Variants in SEC14L5 observed in about 807,000 individuals in gnomAD.
The protein encoded by SEC14L5 is SEC14-like protein 5.
A neutral mutation model predicts 84.6 loss-of-function variants in SEC14L5; 96 were observed. The ratio of observed to expected loss-of-function variants is 1.13; its 90% confidence interval spans 0.96 to 1.34. The LOEUF is 1.34. Ranked by LOEUF, SEC14L5 falls within the 40% of genes most tolerant of loss-of-function variation. SEC14L5 has a pLI of 0.00. For missense variants in SEC14L5, 1,224 were observed against 942.5 expected (o/e 1.30, Z -3.91); for synonymous variants, 546 against 383.4 (o/e 1.42, Z -4.95).
chr16:4,997,816 G>A lies in SEC14L5; in HGVS notation c.970+772G>A, dbSNP rs574348281. ...TTCTGGTGGACCCAGGTGTTCCTTG[G>A]CTGGTGGCAGCTTCACTCCAGTCTC... On this transcript the variant is annotated intron_variant, in intron 8 of 15. Transcript: ENST00000251170. 3.9e-5 allele frequency among the ~76,000 whole-genome samples: 6 copies of A among 152,106 alleles called. 1 individual carries two copies. In the Middle Eastern group the frequency reaches 0.01, roughly 259 times the overall value.
intron 2 of SEC14L5, among the ~76,000 whole-genome samples, chr16:4,984,230 C>T (rs1955462091): frequency 1.3e-5 from 2 of 152,188 alleles, no homozygotes. Context: ...CACTAATCTA[C>T]TTTCTGTCTC....
At chr16:4,996,318 T>A in intron 6 of SEC14L5, 30 bp from the exon 7 acceptor site, 2 of 1,318,292 alleles carry the variant, frequency 1.5e-6, no homozygotes, top group Non-Finnish European at 1.1e-6. Flanking sequence ...CGTCTCCCTC[T>A]TGTCCTGAAG....
At position 4,987,080 on chromosome 16, in the gene SEC14L5, A is replaced by G. The variant is rs371650066; in HGVS notation, c.64-477A>G. Among the ~76,000 whole-genome samples, 4 of 152,276 alleles carry G rather than the reference A, an allele frequency of 2.6e-5. No homozygotes were observed. In the East Asian group the frequency reaches 5.8e-4, roughly 22 times the overall value. On this transcript the variant is annotated intron_variant, in intron 2 of 15. Transcript: ENST00000251170. ...GCTCGAATAGACACGAAGAATGCAC[A>G]TTGCTACCTTGTTCCTGATTTTAGG...
rs1379872190 is a variant in SEC14L5 at position 5,015,975 on chromosome 16, G to C, written c.*1005G>C. 6.6e-6 allele frequency: 1 copy of C among 152,224 alleles called. No homozygotes were observed. Among genetic ancestry groups the C allele is most frequent in the Non-Finnish European group, 1.5e-5 (1 of 68,046 alleles). The allele number at this position is 152,224 out of a possible 1,614,324, so 9.4% of individuals were successfully genotyped here. On this transcript the variant is annotated 3_prime_UTR_variant, in exon 16 of 16. Transcript: ENST00000251170. ...CCACTGGAGATGCCTTTCTCTCCTA[G>C]GGAACTGTTTAATTATGACTGTTTT... is the stretch of plus-strand genomic sequence containing the variant.
chr16:5,004,465 C>G (rs1482392699), intron 11 of SEC14L5, among the ~76,000 whole-genome samples: 1 of 152,086 alleles, frequency 6.6e-6, no homozygotes. Flanking sequence ...TGAAGGGGCT[C>G]CTTGCAGAGG....
intron 10 of SEC14L5, among the ~76,000 whole-genome samples, chr16:5,001,468 C>T (rs1162552210): frequency 6.6e-6 from 1 of 152,040 alleles, no homozygotes; most frequent in Non-Finnish European, 1.5e-5. Context: ...ACTGTGTTAG[C>T]CAGAATGGTC....
At chr16:4,977,397 A>G (rs531464403) in intron 2 of SEC14L5, among the ~76,000 whole-genome samples, 73 of 126,896 alleles carry the variant, frequency 5.8e-4, no homozygotes, top group Admixed American at 4.0e-4. Context: ...CAGTGAGCTG[A>G]GATCGTGCCA....
At chr16:5,000,818 G>A (rs894776410) in intron 9 of SEC14L5, 37 bp from the exon 10 acceptor site, 10 of 1,579,040 alleles carry the variant, frequency 6.3e-6, no homozygotes, top group Non-Finnish European at 8.6e-6. Context: ...GTAAAGCAGC[G>A]AGGCGGACGT....
intron 12 of SEC14L5, 55 bp downstream of exon 12, chr16:5,006,103 C>G (rs976383161): frequency 1.1e-5 from 17 of 1,579,306 alleles, no homozygotes; most frequent in East Asian, 4.5e-5. Flanking sequence ...GCATGCCTAG[C>G]TGGGAGGCTG....
In SEC14L5 at chr16:5,005,945, G is replaced by A. The variant is rs375082771; in HGVS notation, c.1334G>A (p.Arg445Gln). Residue 445 changes from arginine (R) to glutamine (Q), a missense_variant, in exon 12 of 16, where the codon CGG becomes CAG. Transcript: ENST00000251170. ...ISPFINENTR[R>Q]KFLIYSGSNY... The stretch of plus-strand genomic sequence containing the variant: ...CCCTTCATCAATGAGAACACCAGGC[G>A]GAAGTTCCTCATCTACAGTGGCAGC... 9.2e-5 allele frequency: 148 copies of A among 1,609,034 alleles called. No individual in the cohort carries two copies. The highest frequency in any genetic ancestry group is 5.3e-4 in the Admixed American group (31 of 58,940).
At chr16:4,988,314 G>A (rs752441963) in intron 4 of SEC14L5, 34 bp downstream of exon 4, 31 of 1,605,852 alleles carry the variant, frequency 1.9e-5, no homozygotes, top group Admixed American at 1.3e-4. Context: ...CCCACGCCCG[G>A]CACCCACCTG....
chr16:5,005,054 T>C (rs540646212), intron 11 of SEC14L5, among the ~76,000 whole-genome samples: 1 of 152,370 alleles, frequency 6.6e-6, no homozygotes, highest in African/African-American at 2.4e-5. Flanking sequence ...CTCACGCCTG[T>C]AATCCCAGTA....
intron 2 of SEC14L5, among the ~76,000 whole-genome samples, chr16:4,969,596 C>G (rs954526462): frequency 1.3e-5 from 2 of 151,730 alleles, no homozygotes; most frequent in Non-Finnish European, 2.9e-5. Context: ...ATTGGTCAGG[C>G]TGGTCTTGAA....
chr16:4,960,320 C>T (rs1158751552), intron 2 of SEC14L5, among the ~76,000 whole-genome samples: 2 of 152,164 alleles, frequency 1.3e-5, no homozygotes, highest in Admixed American at 6.6e-5. Flanking sequence ...TATGCTGTCG[C>T]TGTTATTACA....
At chr16:4,968,367 C>T (rs562668175) in intron 2 of SEC14L5, among the ~76,000 whole-genome samples, 28 of 152,192 alleles carry the variant, frequency 1.8e-4, no homozygotes, top group Middle Eastern at 3.4e-3. Flanking sequence ...TTAGCACAGA[C>T]GGGGTTTCTC....
chr16:4,969,160 T>C (rs1366125513), intron 2 of SEC14L5, among the ~76,000 whole-genome samples: 7 of 152,232 alleles, frequency 4.6e-5, no homozygotes, highest in Admixed American at 4.6e-4. Context: ...AGAACAGAGG[T>C]GATCCACTGC....
At chr16:4,962,593 G>C (rs1352974913) in intron 2 of SEC14L5, among the ~76,000 whole-genome samples, 1 of 150,662 alleles carries the variant, frequency 6.6e-6, no homozygotes, top group Non-Finnish European at 1.5e-5. Flanking sequence ...GAGGCTGAGA[G>C]AGGAGAATCG....
chr16:4,984,160 A>G (rs990339386), intron 2 of SEC14L5, among the ~76,000 whole-genome samples: 1 of 152,176 alleles, frequency 6.6e-6, no homozygotes, highest in Admixed American at 6.6e-5. Flanking sequence ...TGTCTGCCTT[A>G]ACCCTCATCC....
At chr16:5,003,845 C>T (rs1442803369) in intron 11 of SEC14L5, among the ~76,000 whole-genome samples, 1 of 152,252 alleles carries the variant, frequency 6.6e-6, no homozygotes, top group South Asian at 2.1e-4. Context: ...TCGTGGGTCT[C>T]AAATTCCTGG....
Sources: gnomAD v4.1 joint callset for allele counts (sites outside exome capture counted in the v4.1 genomes callset) on GRCh38, gnomAD v4.1.1 for gene constraint, MANE v1.5 for transcripts, NCBI Gene and HGNC (gene_info 2026-07-23, HGNC 2026-07-21) for gene names.